Variants in NUP210L observed in about 807,000 individuals in gnomAD.
NUP210L encodes nucleoporin 210 like, also known as nuclear pore membrane glycoprotein 210-like.
Under a neutral mutation model 208.5 loss-of-function variants are expected in NUP210L, and 74 were observed. The ratio of observed to expected loss-of-function variants is 0.35; its 90% CI spans 0.29 to 0.43. The LOEUF is 0.43. Among genes scored for constraint, NUP210L ranks in the 20% least tolerant of loss-of-function variants. The probability of loss-of-function intolerance (pLI) is 1.00; values close to 1 mark genes in which losing one functional copy is unlikely to be tolerated. For synonymous variants in NUP210L, 780 were observed against 816.9 expected, an observed-to-expected ratio of 0.95 and a Z score of 0.77; for missense variants, 1,843 against 2,289.4, an observed-to-expected ratio of 0.81 and a Z score of 3.98.
intron 2 of NUP210L, among the ~76,000 whole-genome samples, chr1:154,144,102 A>AC (rs1456021644): frequency 7.2e-5 from 11 of 152,064 alleles, no homozygotes; most frequent in African/African-American, 2.7e-4. Context: ...GAAGGTGTGA[A>AC]CCCAGGAGAC....
chr1:154,023,614 A>G lies in NUP210L; in HGVS notation c.4123-317T>C, dbSNP rs551799485. On this transcript the variant is annotated intron_variant, in intron 30 of 39. Transcript: ENST00000368559. ...TACCTCAGCCTCCCAGGTAGCTGTG[A>G]TTACAGGCATCTGCCACCACGCCTG... Among the ~76,000 whole-genome samples the G allele has an allele frequency of 3.3e-5, 5 of 151,296 alleles. No homozygotes were observed. In the South Asian group the frequency reaches 1.0e-3, roughly 32 times the overall value.
intron 2 of NUP210L, among the ~76,000 whole-genome samples, chr1:154,150,727 C>CAA (rs1156928758): frequency 9.1e-4 from 36 of 39,426 alleles, no homozygotes; most frequent in African/African-American, 1.8e-3. Context: ...GACTCCATCT[C>CAA]AAAAAAAAAA....
At chr1:153,998,239 TTAAG>T (rs1288657731) in intron 37 of NUP210L, among the ~76,000 whole-genome samples, 3 of 151,996 alleles carry the variant, frequency 2.0e-5, no homozygotes, top group African/African-American at 7.3e-5. Flanking sequence ...AGTGCTAACT[TTAAG>T]TTAGTGGTCA....
intron 27 of NUP210L, among the ~76,000 whole-genome samples, 178 bp downstream of exon 27, chr1:154,045,891 G>A (rs1653147253): frequency 6.6e-6 from 1 of 152,100 alleles, no homozygotes; most frequent in Non-Finnish European, 1.5e-5. Context: ...AGGCTGAGGT[G>A]GGAGGATCAC....
At chr1:154,104,441 G>A in intron 12 of NUP210L, 1 of 509,250 alleles carries the variant, frequency 2.0e-6, no homozygotes, top group Non-Finnish European at 3.5e-6. Flanking sequence ...GAAGGGGCAA[G>A]AAAAGAGTCT....
exon 22 of NUP210L, chr1:154,058,121 T>A (rs1653966147): frequency 1.2e-6 from 2 of 1,613,996 alleles, no homozygotes; most frequent in South Asian, 2.2e-5. Context: ...CCAACTGCAG[T>A]TTGAGTTCCA....
At chr1:154,150,059 C>T (rs1207480128) in intron 2 of NUP210L, among the ~76,000 whole-genome samples, 1 of 152,150 alleles carries the variant, frequency 6.6e-6, no homozygotes, top group Non-Finnish European at 1.5e-5. Flanking sequence ...GAAACCCCTA[C>T]CTCTATAAAA....
At chr1:153,995,569 C>A in intron 37 of NUP210L, 1 of 724,568 alleles carries the variant, frequency 1.4e-6, no homozygotes, top group South Asian at 1.4e-5. Context: ...AAATCCTCTG[C>A]TACTTTAAAA....
At chr1:154,146,050 T>C (rs1571327802) in intron 2 of NUP210L, among the ~76,000 whole-genome samples, 1 of 152,220 alleles carries the variant, frequency 6.6e-6, no homozygotes, top group Non-Finnish European at 1.5e-5. Context: ...AATATAATTC[T>C]TTAATATAAA....
At chr1:154,129,496 G>A (rs1658141648) in intron 7 of NUP210L, 151 bp from the exon 8 acceptor site, 2 of 597,952 alleles carry the variant, frequency 3.3e-6, no homozygotes, top group Non-Finnish European at 5.9e-6. Context: ...AAACTTAAAT[G>A]TGTATACTTC....
chr1:154,090,314 T>C (rs1655839198), intron 15 of NUP210L, among the ~76,000 whole-genome samples: 1 of 152,156 alleles, frequency 6.6e-6, no homozygotes, highest in South Asian at 2.1e-4. Flanking sequence ...CTAATTTGTG[T>C]TTCCACTCAT....
chr1:154,018,472 G>A (rs758872733), intron 33 of NUP210L, among the ~76,000 whole-genome samples: 7 of 152,060 alleles, frequency 4.6e-5, no homozygotes, highest in Non-Finnish European at 8.8e-5. Context: ...TCAGTTGACG[G>A]TAATGCTGTC....
chr1:154,031,253 C>G (rs777053158), intron 27 of NUP210L, among the ~76,000 whole-genome samples: 7 of 152,058 alleles, frequency 4.6e-5, no homozygotes, highest in African/African-American at 1.4e-4. Flanking sequence ...CTATGCCCGA[C>G]TAATTTTTGT....
At chr1:154,144,826 G>A (rs1291090269) in intron 2 of NUP210L, among the ~76,000 whole-genome samples, 3 of 152,206 alleles carry the variant, frequency 2.0e-5, no homozygotes, top group Admixed American at 6.5e-5. Context: ...AGGAGAGGCC[G>A]GGTGCAGTGG....
chr1:154,004,068 G>GTTTTTTTTTTTTTTTT, intron 35 of NUP210L, among the ~76,000 whole-genome samples: 1 of 141,562 alleles, frequency 7.1e-6, no homozygotes, highest in Non-Finnish European at 1.5e-5. Flanking sequence ...ATCCTTGCCT[G>GTTTTTTTTTTTTTTTT]TTTTTTGTTT....
At chr1:154,114,664 C>T (rs1177203491) in intron 12 of NUP210L, among the ~76,000 whole-genome samples, 4 of 151,982 alleles carry the variant, frequency 2.6e-5, no homozygotes, top group Non-Finnish European at 5.9e-5. Context: ...AGTGCAGAGG[C>T]GTGATCATAG....
rs536755989 is a variant in NUP210L, at chr1:154,142,820, C to A, written c.472+626G>T. On this transcript the variant is annotated intron_variant, in intron 3 of 39. Coordinates refer to ENST00000368559, the Ensembl canonical transcript of NUP210L. ...ACAAGAATCGCCTGAAGCGGGAGGG[C>A]AGAGGTTGCAGTGAGCCAAGATCGC... 1.2e-3 allele frequency among the ~76,000 whole-genome samples: 179 copies of A among 151,048 alleles called. 1 individual carries two copies. In the South Asian group the frequency reaches 0.016, roughly 14 times the overall value.
chr1:154,084,584 A>T (rs1248698149), intron 16 of NUP210L, among the ~76,000 whole-genome samples: 9 of 151,750 alleles, frequency 5.9e-5, no homozygotes, highest in African/African-American at 1.5e-4. Context: ...TTTTTAAAAA[A>T]TTTTTGTCTA....
intron 37 of NUP210L, among the ~76,000 whole-genome samples, chr1:153,997,296 T>G (rs555881506): frequency 6.6e-6 from 1 of 150,958 alleles, no homozygotes; most frequent in East Asian, 2.0e-4. Context: ...ATAATTTAAA[T>G]GTTTTTCTTT....
Sources: gnomAD v4.1 joint callset for allele counts (sites outside exome capture counted in the v4.1 genomes callset) on GRCh38, gnomAD v4.1.1 for gene constraint, MANE v1.5 for transcripts, NCBI Gene and HGNC (gene_info 2026-07-23, HGNC 2026-07-21) for gene names.